Variants in MGAT5 observed in about 807,000 individuals in gnomAD.
The protein encoded by MGAT5 is alpha-1,6-mannosylglycoprotein 6-beta-N-acetylglucosaminyltransferase.
Under a neutral mutation model 94.3 loss-of-function variants are expected in MGAT5, and 30 were observed. The ratio of observed to expected loss-of-function variants is 0.32; its 90% confidence interval spans 0.24 to 0.43. MGAT5 has a LOEUF of 0.43. MGAT5 is among the 20% of genes least tolerant of loss of function. The pLI is 1.00. For missense variants in MGAT5, 691 were observed against 905.5 expected, an observed-to-expected ratio of 0.76 and a Z score of 3.04; for synonymous variants, 310 against 322.9, an observed-to-expected ratio of 0.96 and a Z score of 0.43.
chr2:134,153,572 A>C (rs1248264793), intron 1 of MGAT5, among the ~76,000 whole-genome samples: 2 of 152,220 alleles, frequency 1.3e-5, no homozygotes, highest in Non-Finnish European at 2.9e-5. Flanking sequence ...GGTCTCCCTG[A>C]AGAGGCTGGA....
intron 9 of MGAT5, among the ~76,000 whole-genome samples, chr2:134,352,396 C>G (rs1679441244): frequency 6.6e-6 from 1 of 152,080 alleles, no homozygotes; most frequent in Non-Finnish European, 1.5e-5. Flanking sequence ...GGCTTTCATT[C>G]TAGGAGGGGC....
intron 1 of MGAT5, among the ~76,000 whole-genome samples, chr2:134,218,329 A>G (rs1680597125): frequency 6.7e-6 from 1 of 149,414 alleles, no homozygotes; most frequent in Admixed American, 6.6e-5. Context: ...AATTCAACGT[A>G]TCAGTTAACT....
At chr2:134,206,069 G>C (rs568236560) in intron 1 of MGAT5, among the ~76,000 whole-genome samples, 2 of 152,318 alleles carry the variant, frequency 1.3e-5, no homozygotes, top group African/African-American at 4.8e-5. Context: ...ATTTGTGATA[G>C]GGATTATTGG....
intron 1 of MGAT5, among the ~76,000 whole-genome samples, chr2:134,236,540 T>G (rs1165816747): frequency 3.3e-5 from 5 of 152,182 alleles, no homozygotes; most frequent in African/African-American, 1.2e-4. Flanking sequence ...TATAGGGACC[T>G]TCCCCCCCCT....
chr2:134,201,378 A>G (rs1381413717), intron 1 of MGAT5, among the ~76,000 whole-genome samples: 3 of 152,136 alleles, frequency 2.0e-5, no homozygotes, highest in Admixed American at 1.3e-4. Flanking sequence ...TGCTTTGGCC[A>G]TAATAAATTA....
chr2:134,133,124 A>G (rs1037258700), intron 1 of MGAT5, among the ~76,000 whole-genome samples: 12 of 152,232 alleles, frequency 7.9e-5, no homozygotes, highest in African/African-American at 2.9e-4. Context: ...GCAAAGAAAC[A>G]GTGATCCTAG....
At chr2:134,387,091 A>G (rs562684322) in intron 10 of MGAT5, among the ~76,000 whole-genome samples, 18 of 151,096 alleles carry the variant, frequency 1.2e-4, no homozygotes, top group Admixed American at 4.0e-4. Flanking sequence ...GAGAAACCCT[A>G]TCTCTACTAA....
intron 4 of MGAT5, among the ~76,000 whole-genome samples, chr2:134,334,734 C>G (rs1036331005): frequency 6.6e-6 from 1 of 152,026 alleles, no homozygotes; most frequent in Non-Finnish European, 1.5e-5. Context: ...GGCTTTTTCT[C>G]TGCTGTTTTT....
chr2:134,323,028 C>T (rs1355112469), intron 4 of MGAT5, among the ~76,000 whole-genome samples: 3 of 152,138 alleles, frequency 2.0e-5, no homozygotes, highest in Non-Finnish European at 4.4e-5. Flanking sequence ...AGATTCAGAC[C>T]TGTCTTAAGA....
intron 1 of MGAT5, among the ~76,000 whole-genome samples, chr2:134,202,589 C>T (rs1573855885): frequency 6.6e-6 from 1 of 152,348 alleles, no homozygotes; most frequent in East Asian, 1.9e-4. Flanking sequence ...AGTGTTGCCC[C>T]AGGCATCAGC....
chr2:134,388,117 C>T (rs986387799), intron 10 of MGAT5, among the ~76,000 whole-genome samples: 3 of 152,156 alleles, frequency 2.0e-5, no homozygotes, highest in Admixed American at 6.5e-5. Context: ...AAATTGCCAC[C>T]TCTTCCCAAA....
intron 4 of MGAT5, among the ~76,000 whole-genome samples, chr2:134,321,269 G>A (rs931252097): frequency 6.7e-6 from 1 of 148,264 alleles, no homozygotes; most frequent in Non-Finnish European, 1.5e-5. Context: ...CTTTCTACTT[G>A]AAAGAATTTA....
chr2:134,329,209 T>C (rs780504930), intron 4 of MGAT5, among the ~76,000 whole-genome samples: 24 of 152,064 alleles, frequency 1.6e-4, no homozygotes, highest in Non-Finnish European at 3.2e-4. Flanking sequence ...TTGGCTTATG[T>C]AGGGCAGGGT....
chr2:134,151,663 C>T lies in MGAT5; in HGVS notation c.-143+31372C>T, dbSNP rs533761608. Among the ~76,000 whole-genome samples, 29 of 102,404 alleles carry T rather than the reference C, an allele frequency of 2.8e-4. 3 individuals are homozygous for T. Among genetic ancestry groups the T allele is most frequent in the South Asian group, 1.4e-3 (4 of 2,962 alleles). The allele number at this position is 102,404 out of a possible 152,430, so 67.2% of individuals were successfully genotyped here. ...CCTCCCACTGCCATGGGACCTCACT[C>T]ATGCCCTGTGGGACCCACTCACTGC... On this transcript the variant is annotated intron_variant, in intron 1 of 16. Coordinates refer to the MGAT5 transcript ENST00000409645.
At chr2:134,232,981 TTTC>T (rs1488557015) in intron 1 of MGAT5, among the ~76,000 whole-genome samples, 37 of 152,346 alleles carry the variant, frequency 2.4e-4, no homozygotes, top group African/African-American at 8.7e-4. Context: ...AGGTCATAAC[TTTC>T]TTAAGTTAAA....
chr2:134,437,951 GT>G lies in MGAT5; in HGVS notation c.1870-3805del, dbSNP rs113876998. On this transcript the variant is annotated intron_variant, in intron 14 of 15. Transcript: ENST00000281923. ...AATCACATGAACCTGGCAGAGGGAGGTTGCAGTGAACCAAGATCATGCCACT... is the reference window on the plus strand; with the variant it reads ...AATCACATGAACCTGGCAGAGGGAGGTGCAGTGAACCAAGATCATGCCACT... Among the ~76,000 whole-genome samples, 228 of 150,834 alleles carry G rather than the reference GT, an allele frequency of 1.5e-3. 2 individuals carry two copies. Among genetic ancestry groups the G allele is most frequent in the African/African-American group, 5.2e-3 (213 of 40,834 alleles).
chr2:134,151,762 G>A (rs1687196150), intron 1 of MGAT5, among the ~76,000 whole-genome samples: 1 of 145,422 alleles, frequency 6.9e-6, no homozygotes, highest in South Asian at 2.2e-4. Context: ...ATCCACTGTG[G>A]GACCCGCCCA....
chr2:134,152,442 C>T (rs1280289511), intron 1 of MGAT5, among the ~76,000 whole-genome samples: 3 of 151,894 alleles, frequency 2.0e-5, no homozygotes, highest in Admixed American at 6.6e-5. Context: ...CACTCACGCC[C>T]TATGGGACCC....
intron 11 of MGAT5, 25 bp downstream of exon 11, chr2:134,403,162 G>C: frequency 6.3e-7 from 1 of 1,584,910 alleles, no homozygotes; most frequent in Non-Finnish European, 8.5e-7. Flanking sequence ...CGGATGTGGT[G>C]TTCAGGTTAT....
Sources: allele counts gnomAD v4.1 joint callset (sites outside exome capture counted in the v4.1 genomes callset), GRCh38; gene constraint gnomAD v4.1.1; transcripts MANE v1.5; gene names NCBI Gene and HGNC (gene_info 2026-07-23, HGNC 2026-07-21).